COL5A1: variants seen among roughly 807,000 people sequenced by gnomAD.
COL5A1 encodes collagen type V alpha 1 chain, also known as collagen alpha-1(V) chain.
COL5A1 carries 16 observed loss-of-function variants against 263.7 expected under a neutral mutation model. The ratio of observed to expected loss-of-function variants is 0.06; its 90% CI spans 0.04 to 0.09. The LOEUF (loss-of-function observed/expected upper bound fraction) is 0.09. Among genes scored for constraint, COL5A1 ranks in the 10% least tolerant of loss-of-function variants. COL5A1 has a pLI of 1.00. For synonymous variants in COL5A1, 1,012 were observed against 1,004.5 expected, an observed-to-expected ratio of 1.01 and a Z score of -0.14; for missense variants, 2,036 against 2,540.5, an observed-to-expected ratio of 0.80 and a Z score of 4.27.
intron 49 of COL5A1, 135 bp from the exon 50 acceptor site, chr9:134,814,662 G>C: frequency 1.4e-6 from 1 of 730,892 alleles, no homozygotes; most frequent in South Asian, 1.6e-5. Flanking sequence ...CGACCTGGCA[G>C]CCAGCCCCCT....
intron 42 of COL5A1, among the ~76,000 whole-genome samples, chr9:134,807,992 C>T (rs1838357899): frequency 6.6e-6 from 1 of 152,170 alleles, no homozygotes. Context: ...AAAGGTTGGA[C>T]GTCTCTGAGA....
intron 34 of COL5A1, among the ~76,000 whole-genome samples, chr9:134,795,551 G>A (rs1268479761): frequency 6.6e-6 from 1 of 152,198 alleles, no homozygotes; most frequent in Non-Finnish European, 1.5e-5. Flanking sequence ...CAGCAGAGCA[G>A]GGACAGGGCC....
Position 134,730,056 on chromosome 9 carries a change from C to T in COL5A1, c.925-180C>T, listed in dbSNP as rs187927679. 9.7e-3 allele frequency among the ~76,000 whole-genome samples: 1,485 copies of T among 152,326 alleles called. 6 individuals are homozygous for T. Among genetic ancestry groups the T allele is most frequent in the Middle Eastern group, 0.017 (5 of 294 alleles). ...GGCTGCCTTCTTCCCACTTGCTCTG[C>T]CCCCAAGCCCCATGGATGGGGGCGG... On this transcript the variant is annotated intron_variant, in intron 6 of 65. Coordinates refer to ENST00000371817, the MANE Select transcript of COL5A1 (RefSeq NM_000093.5).
At chr9:134,711,623 C>T (rs1834045055) in intron 4 of COL5A1, among the ~76,000 whole-genome samples, 5 of 152,078 alleles carry the variant, frequency 3.3e-5, no homozygotes, top group African/African-American at 1.2e-4. Context: ...CACCTGCCCA[C>T]AGTCACACAG....
At chr9:134,702,623 G>A (rs1427460471) in intron 4 of COL5A1, among the ~76,000 whole-genome samples, 2 of 152,214 alleles carry the variant, frequency 1.3e-5, no homozygotes, top group Non-Finnish European at 1.5e-5. Flanking sequence ...GGACGGGCAC[G>A]GTTGAACTGA....
rs542735777 is a variant in COL5A1 at position 134,700,533 on chromosome 9, G to A, written c.491+411G>A. Among the ~76,000 whole-genome samples the A allele has an allele frequency of 2.6e-5, 4 of 152,310 alleles. No individual in the cohort carries two copies. The highest frequency in any genetic ancestry group is 3.9e-4 in the East Asian group (2 of 5,184). On this transcript the variant is annotated intron_variant, in intron 3 of 65. Coordinates refer to ENST00000371817, the MANE Select transcript of COL5A1 (RefSeq NM_000093.5). This position sits in a 1 kb window ranked among gnomAD's most constrained non-coding sequence, Gnocchi z 4.0. The stretch of plus-strand genomic sequence containing the variant: ...GAGAAAAAGCGGGTCGTGCCAGCAC[G>A]CTCTGTTGGGTGCAGACCTCAACAC...
In COL5A1 at chr9:134,789,276, C is replaced by T. The variant is rs537089634; in HGVS notation, c.2700+68C>T. Reference sequence around the variant, plus strand: ...CCTCGGTGCCTAGCAAGTTGGTTCTCCAGCCGACGGCCTGTTTATTTCTCA... The same window carrying T: ...CCTCGGTGCCTAGCAAGTTGGTTCTTCAGCCGACGGCCTGTTTATTTCTCA... On this transcript the variant is annotated intron_variant, in intron 32 of 65. Coordinates refer to ENST00000371817, the MANE Select transcript of COL5A1 (RefSeq NM_000093.5). This position sits in a 1 kb window ranked among gnomAD's most constrained non-coding sequence, Gnocchi z 4.8. The T allele has an allele frequency of 1.5e-5, 20 of 1,296,236 alleles. No individual in the cohort carries two copies. In the South Asian group the frequency reaches 2.2e-4, roughly 14 times the overall value. 80.3% of individuals were successfully genotyped at this position (1,296,236 alleles called of 1,614,324 possible).
At chr9:134,710,627 C>G (rs1041719090) in intron 4 of COL5A1, among the ~76,000 whole-genome samples, 1 of 9,842 alleles carries the variant, frequency 1.0e-4, no homozygotes. Context: ...GGGGGAGGGG[C>G]CCCATTTGTT....
At chr9:134,805,663 A>C (rs954460214) in intron 41 of COL5A1, among the ~76,000 whole-genome samples, 1 of 152,042 alleles carries the variant, frequency 6.6e-6, no homozygotes, top group Non-Finnish European at 1.5e-5. Context: ...CCAGGTACCC[A>C]CCCATCCATA....
chr9:134,811,643 C>T lies in COL5A1; in HGVS notation c.3690+44C>T, dbSNP rs76739261. The T allele has an allele frequency of 7.8e-3, 11,226 of 1,437,556 alleles. 273 individuals carry two copies. The East Asian group carries it at 0.1, about 13-fold the overall frequency. 89.1% of individuals were successfully genotyped at this position (1,437,556 alleles called of 1,614,324 possible). Reference sequence around the variant, plus strand: ...CCACACCGGGCTCCTCCGCTTCTGACGCCCCCTGTGTCTTCATTGTGCTCT... The same window carrying T: ...CCACACCGGGCTCCTCCGCTTCTGATGCCCCCTGTGTCTTCATTGTGCTCT... On this transcript the variant is annotated intron_variant, in intron 46 of 65. Coordinates refer to ENST00000371817, the MANE Select transcript of COL5A1 (RefSeq NM_000093.5).
At chr9:134,724,568 G>A (rs565586695) in intron 4 of COL5A1, among the ~76,000 whole-genome samples, 1 of 152,172 alleles carries the variant, frequency 6.6e-6, no homozygotes, top group Non-Finnish European at 1.5e-5. Context: ...CCAGACCCTC[G>A]CACCAAAAGT....
chr9:134,662,135 T>C (rs1160243527), intron 1 of COL5A1, among the ~76,000 whole-genome samples: 1 of 135,658 alleles, frequency 7.4e-6, no homozygotes, highest in Admixed American at 7.5e-5. Flanking sequence ...CTGGTCAATA[T>C]CTTGGCCAAA....
At position 134,680,767 on chromosome 9, in the gene COL5A1, A is replaced by G. The variant is rs1051916953; in HGVS notation, c.110-10145A>G. On this transcript the variant is annotated intron_variant, in intron 1 of 65. Transcript: ENST00000371817. This position sits in a 1 kb window ranked among gnomAD's most constrained non-coding sequence, Gnocchi z 5.9. ...CCAGGGCCTCCCGGGAAAATTCCAC[A>G]GGGGCAGAAGGACGGGTGAGGGCCG... 5.3e-5 allele frequency among the ~76,000 whole-genome samples: 8 copies of G among 152,178 alleles called. No homozygotes were observed. Among genetic ancestry groups the G allele is most frequent in the South Asian group, 2.1e-4 (1 of 4,830 alleles).
intron 1 of COL5A1, among the ~76,000 whole-genome samples, chr9:134,676,717 G>A (rs1832697451): frequency 6.6e-6 from 1 of 152,228 alleles, no homozygotes; most frequent in African/African-American, 2.4e-5. Flanking sequence ...GGTGGGGGTG[G>A]TGCTTCATTG....
chr9:134,795,905 G>A (rs1012206572), intron 34 of COL5A1, among the ~76,000 whole-genome samples: 4 of 152,158 alleles, frequency 2.6e-5, no homozygotes, highest in East Asian at 3.9e-4. Flanking sequence ...CCCGTCCCTC[G>A]GCTGACCGGA....
At chr9:134,790,465 GCCACCCAC>G (rs1157890146) in intron 32 of COL5A1, among the ~76,000 whole-genome samples, 6 of 26,274 alleles carry the variant, frequency 2.3e-4, no homozygotes, top group African/African-American at 8.4e-4. Flanking sequence ...CATCCATCCA[GCCACCCAC>G]CCACCCATCC....
intron 2 of COL5A1, among the ~76,000 whole-genome samples, chr9:134,695,953 G>A (rs1477355178): frequency 6.6e-6 from 1 of 152,076 alleles, no homozygotes; most frequent in African/African-American, 2.4e-5. Flanking sequence ...AATTCCTTCT[G>A]CAGGGCTGCC....
chr9:134,773,131 C>CAG (rs1250789102), intron 26 of COL5A1, among the ~76,000 whole-genome samples: 1 of 143,994 alleles, frequency 6.9e-6, no homozygotes, highest in Non-Finnish European at 1.5e-5. Flanking sequence ...GCAGTGTCTC[C>CAG]GTGTTCAGCC....
chr9:134,711,372 T>C (rs556577960), intron 4 of COL5A1, among the ~76,000 whole-genome samples: 39 of 152,148 alleles, frequency 2.6e-4, no homozygotes, highest in African/African-American at 8.9e-4. Context: ...CAGCCAGGTG[T>C]GCTAATGAGT....
Sources: allele counts gnomAD v4.1 joint callset (sites outside exome capture counted in the v4.1 genomes callset), GRCh38; gene constraint gnomAD v4.1.1; non-coding constraint Gnocchi (gnomAD v3.1); transcripts MANE v1.5; gene names NCBI Gene and HGNC (gene_info 2026-07-23, HGNC 2026-07-21).